AKAP9: variants seen among roughly 807,000 people sequenced by gnomAD.
AKAP9 encodes the protein A-kinase anchoring protein 9.
A neutral mutation model predicts 488.5 loss-of-function variants in AKAP9; 311 were observed. The ratio of observed to expected loss-of-function variants is 0.64; its 90% CI spans 0.58 to 0.70. The LOEUF is 0.70. Among genes scored for constraint, AKAP9 ranks in the 30% least tolerant of loss-of-function variants. The probability of loss-of-function intolerance (pLI) is 0.00; values close to 1 mark genes in which losing one functional copy is unlikely to be tolerated. For synonymous variants in AKAP9, 1,462 were observed against 1,483.5 expected (o/e 0.99, Z 0.33); for missense variants, 4,215 against 4,374.5 (o/e 0.96, Z 1.03).
intron 31 of AKAP9, among the ~76,000 whole-genome samples, chr7:92,081,497 ATTT>A (rs376611467): frequency 1.2e-5 from 1 of 85,380 alleles, no homozygotes; most frequent in Non-Finnish European, 2.4e-5. Context: ...ATATATATAT[ATTT>A]TTTTTTTTTT....
chr7:92,094,722 A>AC (rs1816260758), intron 39 of AKAP9, among the ~76,000 whole-genome samples: 1 of 152,070 alleles, frequency 6.6e-6, no homozygotes, highest in African/African-American at 2.4e-5. Flanking sequence ...AGTCCCAGCT[A>AC]CCCGGGAGGC....
chr7:91,992,879 A>C lies in AKAP9; in HGVS notation c.406-6A>C. On this transcript the variant is annotated splice_region_variant and splice_polypyrimidine_tract_variant and intron_variant, in intron 4 of 49. Transcript: ENST00000356239. The stretch of plus-strand genomic sequence containing the variant: ...CTGAATTCTTTAAAATCTTGGATTG[A>C]TTTAGGAAGAAGAATTTGGTGTTGA... The C allele has an allele frequency of 6.2e-7, 1 of 1,613,358 alleles. No individual in the cohort carries two copies. Among genetic ancestry groups the C allele is most frequent in the African/African-American group, 1.3e-5 (1 of 75,004 alleles).
intron 12 of AKAP9, among the ~76,000 whole-genome samples, chr7:92,020,678 T>G (rs1046989692): frequency 6.6e-6 from 1 of 152,182 alleles, no homozygotes; most frequent in African/African-American, 2.4e-5. Context: ...TTATTTTTAT[T>G]TCCTTCTCTT....
intron 28 of AKAP9, among the ~76,000 whole-genome samples, chr7:92,071,354 A>T (rs1359683128): frequency 1.3e-5 from 2 of 151,658 alleles, no homozygotes; most frequent in Non-Finnish European, 2.9e-5. Context: ...CTAACCGTAG[A>T]ATACATATTG....
intron 1 of AKAP9, among the ~76,000 whole-genome samples, chr7:91,960,549 C>G (rs1793601327): frequency 2.6e-5 from 4 of 152,162 alleles, no homozygotes; most frequent in Admixed American, 2.0e-4. Flanking sequence ...CCTGACTTCT[C>G]CCCACACGAC....
chr7:92,064,558 A>G (rs1810447972), intron 24 of AKAP9, among the ~76,000 whole-genome samples: 1 of 152,116 alleles, frequency 6.6e-6, no homozygotes. Flanking sequence ...TAACTGTCAC[A>G]TGGGAGATAA....
chr7:91,966,010 C>T lies in AKAP9; in HGVS notation c.49-7701C>T, dbSNP rs982891942. 2.2e-4 allele frequency among the ~76,000 whole-genome samples: 34 copies of T among 152,098 alleles called. 1 individual carries two copies. Among genetic ancestry groups the T allele is most frequent in the Admixed American group, 3.3e-4 (5 of 15,270 alleles). ...TGTCTCTTCACTTTGTTGATTGTTT[C>T]GTTTGCTGTACAGAAACTTTTTAGC... On this transcript the variant is annotated intron_variant, in intron 1 of 49. Coordinates refer to ENST00000356239, the MANE Select transcript of AKAP9 (RefSeq NM_005751.5).
At chr7:91,980,495 C>CTTTTTTTTTTTTTTTTTTTT in intron 3 of AKAP9, among the ~76,000 whole-genome samples, 162 bp downstream of exon 3, 1 of 48,756 alleles carries the variant, frequency 2.1e-5, no homozygotes, top group Non-Finnish European at 3.3e-5. Flanking sequence ...GTATTACTGA[C>CTTTTTTTTTTTTTTTTTTTT]TTTTTTTTTT....
chr7:92,106,038 G>A (rs1433034479), intron 47 of AKAP9, among the ~76,000 whole-genome samples: 1 of 152,238 alleles, frequency 6.6e-6, no homozygotes, highest in African/African-American at 2.4e-5. Flanking sequence ...CTGATTATCT[G>A]GGGTGGAACA....
Position 92,086,373 on chromosome 7 carries a change from C to A in AKAP9, c.9170C>A (p.Ala3057Glu), listed in dbSNP as rs764732139. Reference protein sequence around the residue: ...TELTALGTTDAVGLLNCLEQR... With the variant: ...TELTALGTTDEVGLLNCLEQR... ...CTGACAGCTCTAGGTACTACAGATG[C>A]AGTTGGTTTACTAAACTGTTTGGAA... The change falls in exon 37 of 50, where the codon GCA (alanine) becomes GAA (glutamate). Residue 3057 changes from alanine (A) to glutamate (E), a missense_variant. Coordinates refer to ENST00000356239, the MANE Select transcript of AKAP9 (RefSeq NM_005751.5). 6.2e-7 allele frequency: 1 copy of A among 1,613,686 alleles called. No homozygotes were observed. The highest frequency in any genetic ancestry group is 8.5e-7 in the Non-Finnish European group (1 of 1,179,880).
At chr7:91,986,237 T>A (rs1236926064) in intron 3 of AKAP9, among the ~76,000 whole-genome samples, 1 of 152,208 alleles carries the variant, frequency 6.6e-6, no homozygotes, top group Non-Finnish European at 1.5e-5. Context: ...TCTGCCAGTT[T>A]CTGAGACCAT....
At chr7:92,022,484 T>G in intron 13 of AKAP9, 132 bp downstream of exon 13, 1 of 690,560 alleles carries the variant, frequency 1.4e-6, no homozygotes, top group East Asian at 2.7e-5. Flanking sequence ...TCTCAATTTT[T>G]TCATCCTTAA....
At position 92,001,769 on chromosome 7, in the gene AKAP9, C is replaced by G; in HGVS notation, c.1852C>G (p.Gln618Glu). 1 of 1,613,404 alleles carries G rather than the reference C, an allele frequency of 6.2e-7. No homozygotes were observed. The highest frequency in any genetic ancestry group is 2.2e-5 in the East Asian group (1 of 44,820). The change falls in exon 8 of 50, where the codon CAA (glutamine) becomes GAA (glutamate). Residue 618 changes from glutamine (Q) to glutamate (E), a missense_variant. Transcript: ENST00000356239. ...NAVLDRMAES[Q>E]EAELERLRTQ... ...TGTGTTAGACAGAATGGCTGAATCA[C>G]AAGAAGCTGAATTAGAGAGGCTGAG...
At position 92,081,491 on chromosome 7, in the gene AKAP9, A is replaced by T. The variant is rs1423751928; in HGVS notation, c.8020-1031A>T. ...GGCTAATTTATATATATATATATAT[A>T]TATATATTTTTTTTTTTTTAGTAGA... On this transcript the variant is annotated intron_variant, in intron 31 of 49. Transcript: ENST00000356239. 2.2e-4 allele frequency among the ~76,000 whole-genome samples: 26 copies of T among 118,204 alleles called. 1 individual carries two copies. The highest frequency in any genetic ancestry group is 8.7e-4 in the African/African-American group (24 of 27,584). The allele number at this position is 118,204 out of a possible 152,430, so 77.5% of individuals were successfully genotyped here.
chr7:92,010,660 T>TA (rs1209623280), intron 8 of AKAP9, among the ~76,000 whole-genome samples: 17 of 152,218 alleles, frequency 1.1e-4, no homozygotes, highest in Admixed American at 3.3e-4. Flanking sequence ...TGCCTGGCCT[T>TA]ATTTTATTTT....
At chr7:92,101,412 G>A (rs1035199225) in intron 45 of AKAP9, among the ~76,000 whole-genome samples, 1 of 150,408 alleles carries the variant, frequency 6.6e-6, no homozygotes, top group Non-Finnish European at 1.5e-5. Context: ...ACTCCAGCCT[G>A]GGCCACAGAG....
Position 92,100,877 on chromosome 7 carries a change from G to A in AKAP9, c.10918G>A (p.Gly3640Ser), listed in dbSNP as rs765133006. 7 of 1,614,144 alleles carry A rather than the reference G, an allele frequency of 4.3e-6. No individual in the cohort carries two copies. The East Asian group carries it at 1.3e-4, about 31-fold the overall frequency. ...GCAGTCTTCCAGGTTTTCATTGAATGGTGGTGCCAACATTGAAGCCATCAT... is the reference window on the plus strand; with the variant it reads ...GCAGTCTTCCAGGTTTTCATTGAATAGTGGTGCCAACATTGAAGCCATCAT... ...RDNSSRFSLN[G>S]GANIEAIIAS... The change falls in exon 45 of 50, where the codon GGT becomes AGT. Residue 3640 changes from glycine (G) to serine (S), a missense_variant. Gly to Ser is a moderately conservative substitution (Grantham distance 56). Around this residue, in one of 5 missense-constraint regions of AKAP9, gnomAD observed 74 missense variants for 113.0 expected, o/e 0.65. Coordinates refer to ENST00000356239, the MANE Select transcript of AKAP9 (RefSeq NM_005751.5).
chr7:91,972,530 C>A (rs2130558244), intron 1 of AKAP9, among the ~76,000 whole-genome samples: 1 of 152,340 alleles, frequency 6.6e-6, no homozygotes, highest in South Asian at 2.1e-4. Context: ...CTTTTAACTT[C>A]TGCTCAGAGT....
chr7:92,037,136 A>G (rs1378441522), intron 16 of AKAP9, among the ~76,000 whole-genome samples: 1 of 152,218 alleles, frequency 6.6e-6, no homozygotes, highest in Non-Finnish European at 1.5e-5. Context: ...GGCTACTGGT[A>G]TTATAATTAT....
Sources: gnomAD v4.1 joint callset for allele counts (sites outside exome capture counted in the v4.1 genomes callset) on GRCh38, gnomAD v4.1.1 for gene constraint, gnomAD v4.1.1 regional missense constraint, MANE v1.5 for transcripts, NCBI Gene and HGNC (gene_info 2026-07-23, HGNC 2026-07-21) for gene names.